CSMD1: variants seen among roughly 807,000 people sequenced by gnomAD.
CSMD1 encodes the protein CUB and sushi domain-containing protein 1.
Under a neutral mutation model 417.5 loss-of-function variants are expected in CSMD1, and 213 were observed. The observed-to-expected ratio is 0.51, with a 90% CI of 0.46 to 0.57. CSMD1 has a LOEUF of 0.57. Ranked by LOEUF, CSMD1 falls within the 20% of genes least tolerant of loss-of-function variation. The pLI, the probability that CSMD1 is intolerant of heterozygous loss-of-function variation, is 0.00. For synonymous variants in CSMD1, 2,862 were observed against 1,736.8 expected (o/e 1.65, Z -16.11); for missense variants, 6,923 against 4,529.7 (o/e 1.53, Z -15.17).
At chr8:3,690,766 TAAGATA>T (rs774752374) in intron 7 of CSMD1, among the ~76,000 whole-genome samples, 2 of 152,246 alleles carry the variant, frequency 1.3e-5, no homozygotes, top group Non-Finnish European at 2.9e-5. Flanking sequence ...CTTACTTTTA[TAAGATA>T]AAGTTTAATT....
At chr8:4,082,466 T>C (rs181543761) in intron 3 of CSMD1, among the ~76,000 whole-genome samples, 20 of 152,236 alleles carry the variant, frequency 1.3e-4, no homozygotes, top group African/African-American at 4.6e-4. Context: ...GCCTAAGTAG[T>C]TCTAGGAGAT....
rs952779572 is a variant in CSMD1, at chr8:3,337,180, G to C, written c.3631+6114C>G. 2.0e-5 allele frequency among the ~76,000 whole-genome samples: 3 copies of C among 152,114 alleles called. 1 individual carries two copies. The South Asian group carries it at 6.2e-4, about 31-fold the overall frequency. On this transcript the variant is annotated intron_variant, in intron 23 of 69. Transcript: ENST00000635120. ...TGACTCTGCCACAAACCAACGCAAC[G>C]ACTCGCCCTATCCCCATCTTCCGTC...
intron 3 of CSMD1, among the ~76,000 whole-genome samples, chr8:4,289,976 A>G (rs921148912): frequency 6.6e-6 from 1 of 152,222 alleles, no homozygotes; most frequent in Admixed American, 6.5e-5. Context: ...TATTTCATTC[A>G]GCTTGTATAT....
At chr8:4,030,518 T>A (rs922097202) in intron 4 of CSMD1, among the ~76,000 whole-genome samples, 30 of 152,098 alleles carry the variant, frequency 2.0e-4, no homozygotes, top group African/African-American at 6.3e-4. Context: ...GGGCACCAAG[T>A]CTCTAGGCTG....
At chr8:3,251,866 G>C (rs981501032) in intron 26 of CSMD1, among the ~76,000 whole-genome samples, 1 of 152,062 alleles carries the variant, frequency 6.6e-6, no homozygotes, top group Non-Finnish European at 1.5e-5. Context: ...CTCTTTCTTT[G>C]TCTGTTGTTG....
intron 1 of CSMD1, among the ~76,000 whole-genome samples, chr8:4,710,818 C>T (rs1375090681): frequency 6.6e-6 from 1 of 151,268 alleles, no homozygotes; most frequent in African/African-American, 2.4e-5. Context: ...GCGCTCTAGC[C>T]TGGGAGACAG....
chr8:3,371,362 C>A (rs192409292), intron 18 of CSMD1, among the ~76,000 whole-genome samples: 1 of 152,130 alleles, frequency 6.6e-6, no homozygotes, highest in Non-Finnish European at 1.5e-5. Flanking sequence ...ACAGCTCATT[C>A]CTGCTTGCTG....
At chr8:4,599,987 C>T (rs544142238) in intron 2 of CSMD1, among the ~76,000 whole-genome samples, 1 of 152,292 alleles carries the variant, frequency 6.6e-6, no homozygotes, top group East Asian at 1.9e-4. Context: ...GAGGTGTTCA[C>T]TGTGATAACT....
intron 52 of CSMD1, among the ~76,000 whole-genome samples, chr8:3,004,992 A>G (rs1807753393): frequency 6.6e-6 from 1 of 152,148 alleles, no homozygotes; most frequent in African/African-American, 2.4e-5. Context: ...TACAAAAATT[A>G]GCTGAGCAAG....
rs1016530010 is a variant in CSMD1, at chr8:4,714,961, T to G, written c.86-77403A>C. On this transcript the variant is annotated intron_variant, in intron 1 of 69. Transcript: ENST00000635120. ...CTAGAGAATTCTGCTGCTGTTTTTGTAAAATTAGACTGTATTTCCCTTTAT... is the reference window on the plus strand; with the variant it reads ...CTAGAGAATTCTGCTGCTGTTTTTGGAAAATTAGACTGTATTTCCCTTTAT... Among the ~76,000 whole-genome samples, 2 of 152,230 alleles carry G rather than the reference T, an allele frequency of 1.3e-5. 1 individual carries two copies. Among genetic ancestry groups the G allele is most frequent in the African/African-American group, 4.8e-5 (2 of 41,462 alleles).
chr8:4,465,439 C>T (rs1057090860), intron 2 of CSMD1, among the ~76,000 whole-genome samples: 1 of 152,166 alleles, frequency 6.6e-6, no homozygotes, highest in Non-Finnish European at 1.5e-5. Flanking sequence ...ACCATTGACA[C>T]CATCCTGCCT....
At chr8:4,522,388 G>A (rs970592454) in intron 2 of CSMD1, among the ~76,000 whole-genome samples, 9 of 152,060 alleles carry the variant, frequency 5.9e-5, no homozygotes, top group African/African-American at 1.4e-4. Context: ...TATCAGCAGC[G>A]TTAAAACGGT....
chr8:3,764,739 C>CTTTTT lies in CSMD1; in HGVS notation c.819-10702_819-10698dup, dbSNP rs66603480. Among the ~76,000 whole-genome samples, 37 of 129,740 alleles carry CTTTTT rather than the reference C, an allele frequency of 2.9e-4. 1 individual carries two copies. The highest frequency in any genetic ancestry group is 3.5e-4 in the Non-Finnish European group (21 of 60,598). The allele number at this position is 129,740 out of a possible 152,430, so 85.1% of individuals were successfully genotyped here. On this transcript the variant is annotated intron_variant, in intron 5 of 69. Transcript: ENST00000635120. ...ATCACAGCACTGCCCTTTTCTCTTT[C>CTTTTT]TTTTTTTTTTTTTTTTTTTTATTTT...
At chr8:3,186,997 C>T (rs750891275) in intron 36 of CSMD1, among the ~76,000 whole-genome samples, 1 of 152,242 alleles carries the variant, frequency 6.6e-6, no homozygotes, top group Non-Finnish European at 1.5e-5. Flanking sequence ...CCACCTCAGC[C>T]TCCCAATGTA....
intron 26 of CSMD1, among the ~76,000 whole-genome samples, chr8:3,283,256 G>A (rs1366333619): frequency 6.6e-6 from 1 of 152,138 alleles, no homozygotes; most frequent in Admixed American, 6.6e-5. Context: ...TTGATTAGCA[G>A]GTTGTTTGCA....
intron 2 of CSMD1, among the ~76,000 whole-genome samples, chr8:4,440,996 C>CA (rs34791858): frequency 0.035 from 4,480 of 126,658 alleles, 92 homozygotes; most frequent in Non-Finnish European, 0.046. Flanking sequence ...GACTCTATCT[C>CA]AAAAAAAAAA....
At chr8:3,921,509 T>G (rs1809261156) in intron 5 of CSMD1, among the ~76,000 whole-genome samples, 1 of 152,142 alleles carries the variant, frequency 6.6e-6, no homozygotes, top group East Asian at 1.9e-4. Context: ...TACTTTTTAT[T>G]TTTTTCATGT....
At chr8:4,586,824 G>C (rs979850196) in intron 2 of CSMD1, among the ~76,000 whole-genome samples, 1 of 152,196 alleles carries the variant, frequency 6.6e-6, no homozygotes, top group Non-Finnish European at 1.5e-5. Flanking sequence ...ACACAGGTCT[G>C]CACGCACAGT....
intron 1 of CSMD1, among the ~76,000 whole-genome samples, chr8:4,853,287 A>T (rs1485069710): frequency 1.3e-5 from 2 of 152,228 alleles, no homozygotes; most frequent in African/African-American, 4.8e-5. Context: ...CAAAGAAAGA[A>T]CAATTTTATG....
Sources: allele counts gnomAD v4.1 joint callset (sites outside exome capture counted in the v4.1 genomes callset), GRCh38; gene constraint gnomAD v4.1.1; transcripts MANE v1.5; gene names NCBI Gene and HGNC (gene_info 2026-07-23, HGNC 2026-07-21).